CCDC171: variants seen among roughly 807,000 people sequenced by gnomAD.
CCDC171 encodes the protein coiled-coil domain-containing protein 171.
Under a neutral mutation model 168.2 loss-of-function variants are expected in CCDC171, and 177 were observed. That is an observed-to-expected ratio of 1.05 (90% CI 0.93 to 1.19). CCDC171 has a LOEUF of 1.19. Ranked by LOEUF, CCDC171 falls within the 50% of genes most tolerant of loss-of-function variation. CCDC171 has a pLI of 0.00. For missense variants in CCDC171, 1,991 were observed against 1,539.0 expected (o/e 1.29, Z -4.91); for synonymous variants, 687 against 540.8 (o/e 1.27, Z -3.75).
intron 24 of CCDC171, among the ~76,000 whole-genome samples, chr9:15,906,756 T>C (rs1396709818): frequency 6.6e-6 from 1 of 152,116 alleles, no homozygotes; most frequent in Non-Finnish European, 1.5e-5. Flanking sequence ...GACGACATGA[T>C]TGTATATCTA....
chr9:15,769,851 T>G (rs1325146925), intron 18 of CCDC171, among the ~76,000 whole-genome samples: 1 of 152,214 alleles, frequency 6.6e-6, no homozygotes, highest in Non-Finnish European at 1.5e-5. Context: ...AATAGCAGCC[T>G]TAAGCCCTTG....
the CCDC171 span, among the ~76,000 whole-genome samples, chr9:16,101,736 A>T: frequency 1.3e-5 from 2 of 152,230 alleles, no homozygotes; most frequent in African/African-American, 4.8e-5. Flanking sequence ...CAGGGCAGGG[A>T]AGAGTGGTCA....
chr9:15,770,880 A>G (rs987672477), intron 18 of CCDC171, among the ~76,000 whole-genome samples: 1 of 152,206 alleles, frequency 6.6e-6, no homozygotes, highest in Non-Finnish European at 1.5e-5. Context: ...TAACATTTTG[A>G]TGATCTCTAC....
chr9:15,906,050 A>C (rs1187245287), intron 24 of CCDC171, among the ~76,000 whole-genome samples: 3 of 152,184 alleles, frequency 2.0e-5, no homozygotes, highest in Non-Finnish European at 4.4e-5. Context: ...CAACCAAAAA[A>C]AATCCAGGAC....
chr9:15,591,689 T>C (rs1293273252), intron 5 of CCDC171, 133 bp downstream of exon 5: 2 of 598,162 alleles, frequency 3.3e-6, no homozygotes, highest in East Asian at 3.1e-5. Context: ...CCATTTTTTC[T>C]TTTTTAGGGG....
At chr9:15,838,073 A>T (rs1359271363) in intron 21 of CCDC171, among the ~76,000 whole-genome samples, 1 of 152,322 alleles carries the variant, frequency 6.6e-6, no homozygotes, top group Non-Finnish European at 1.5e-5. Flanking sequence ...TGTAGGGTTT[A>T]TGGCTCTCTA....
intron 6 of CCDC171, among the ~76,000 whole-genome samples, chr9:15,614,805 C>T (rs998606593): frequency 6.6e-6 from 1 of 152,154 alleles, no homozygotes; most frequent in Non-Finnish European, 1.5e-5. Context: ...GGCTTTTCAG[C>T]CATGATCTTT....
intron 25 of CCDC171, among the ~76,000 whole-genome samples, chr9:15,947,153 A>G (rs934958953): frequency 6.6e-6 from 1 of 152,030 alleles, no homozygotes; most frequent in African/African-American, 2.4e-5. Flanking sequence ...GTGTGTCACC[A>G]TTGTTATAAA....
chr9:16,084,683 GC>G, the CCDC171 span, among the ~76,000 whole-genome samples: 1 of 152,152 alleles, frequency 6.6e-6, no homozygotes, highest in Non-Finnish European at 1.5e-5. Context: ...TGCCATGGGG[GC>G]CCCCAGGAAG....
intron 16 of CCDC171, among the ~76,000 whole-genome samples, chr9:15,731,453 T>C (rs1372864242): frequency 6.6e-6 from 1 of 152,162 alleles, no homozygotes; most frequent in Non-Finnish European, 1.5e-5. Flanking sequence ...AGTGGAATCA[T>C]TCAATAGTCT....
intron 23 of CCDC171, among the ~76,000 whole-genome samples, chr9:15,863,615 G>T (rs1028490871): frequency 6.6e-6 from 1 of 151,398 alleles, no homozygotes; most frequent in African/African-American, 2.4e-5. Flanking sequence ...GGAAGACATT[G>T]TTCTCATGGT....
intron 21 of CCDC171, among the ~76,000 whole-genome samples, chr9:15,795,749 C>T (rs1019989230): frequency 3.3e-5 from 5 of 152,214 alleles, no homozygotes; most frequent in African/African-American, 9.6e-5. Flanking sequence ...TGCCTAGCAG[C>T]TACATGAGAA....
chr9:15,671,473 A>T (rs1006864257), intron 9 of CCDC171, among the ~76,000 whole-genome samples: 3 of 151,834 alleles, frequency 2.0e-5, no homozygotes, highest in African/African-American at 7.3e-5. Context: ...TTAGGTCTTC[A>T]CATTAGGTCT....
chr9:15,825,721 AT>A (rs957567193), intron 21 of CCDC171, among the ~76,000 whole-genome samples: 28 of 152,200 alleles, frequency 1.8e-4, no homozygotes, highest in African/African-American at 5.8e-4. Context: ...TGGTTAAAAT[AT>A]TTAGGAATGG....
chr9:16,090,120 C>A, the CCDC171 span, among the ~76,000 whole-genome samples: 1 of 152,098 alleles, frequency 6.6e-6, no homozygotes, highest in African/African-American at 2.4e-5. Flanking sequence ...CACATGCACA[C>A]GTATGTTTAT....
At chr9:15,844,348 A>C (rs1195370197) in intron 21 of CCDC171, among the ~76,000 whole-genome samples, 1 of 151,868 alleles carries the variant, frequency 6.6e-6, no homozygotes, top group Non-Finnish European at 1.5e-5. Context: ...ACACAAATAT[A>C]TTTTTCTTTA....
intron 3 of CCDC171, among the ~76,000 whole-genome samples, chr9:16,004,101 T>C (rs908807311): frequency 6.6e-6 from 1 of 152,180 alleles, no homozygotes; most frequent in Non-Finnish European, 1.5e-5. Flanking sequence ...CGCGGGAGTT[T>C]GTAGATGATG....
At chr9:16,014,344 G>A (rs1832955738) in intron 3 of CCDC171, among the ~76,000 whole-genome samples, 1 of 152,080 alleles carries the variant, frequency 6.6e-6, no homozygotes, top group South Asian at 2.1e-4. Context: ...TAGTTCTTTT[G>A]CTATTTCCAC....
At chr9:16,062,330 C>T (rs1833941712), downstream of CCDC171, among the ~76,000 whole-genome samples, 1 of 152,086 alleles carries the variant, frequency 6.6e-6, no homozygotes, top group African/African-American at 2.4e-5. Flanking sequence ...TGTTCTCACT[C>T]ATAAGTGGGA....
Sources: allele counts gnomAD v4.1 joint callset (sites outside exome capture counted in the v4.1 genomes callset), GRCh38; gene constraint gnomAD v4.1.1; transcripts MANE v1.5; gene names NCBI Gene and HGNC (gene_info 2026-07-23, HGNC 2026-07-21).